The following PRKN variants were observed in gnomAD, a reference collection of about 807,000 sequenced individuals.
PRKN encodes parkin RBR E3 ubiquitin protein ligase, also known as E3 ubiquitin-protein ligase parkin.
PRKN carries 56 observed loss-of-function variants against 59.5 expected under a neutral mutation model. The observed-to-expected ratio is 0.94, with a 90% confidence interval of 0.76 to 1.18. The LOEUF is 1.18. Among genes scored for constraint, PRKN ranks in the 50% most tolerant of loss-of-function variants. The pLI, the probability that PRKN is intolerant of heterozygous loss-of-function variation, is 0.00. For synonymous variants in PRKN, 250 were observed against 222.1 expected, an observed-to-expected ratio of 1.13 and a Z score of -1.12; for missense variants, 657 against 596.4, an observed-to-expected ratio of 1.10 and a Z score of -1.06.
At chr6:162,378,562 C>G (rs946409619) in intron 2 of PRKN, among the ~76,000 whole-genome samples, 2 of 152,220 alleles carry the variant, frequency 1.3e-5, no homozygotes, top group Non-Finnish European at 2.9e-5. Context: ...TTCAAGCTTT[C>G]GTCTGCTATA....
In PRKN at chr6:161,633,945, T is replaced by C. The variant is rs530834504; in HGVS notation, c.872-64529A>G. 4.3e-4 allele frequency among the ~76,000 whole-genome samples: 65 copies of C among 152,106 alleles called. 1 individual carries two copies. In the South Asian group the frequency reaches 0.013, roughly 31 times the overall value. On this transcript the variant is annotated intron_variant, in intron 7 of 11. Transcript: ENST00000366898. ...GGGCTAAAGCTGGGTGCTAAAAATG[T>C]GTCTGTGTGTACGTCACATGAGGAG...
intron 4 of PRKN, among the ~76,000 whole-genome samples, chr6:162,170,396 T>G (rs1018941374): frequency 6.6e-6 from 1 of 152,200 alleles, no homozygotes; most frequent in Non-Finnish European, 1.5e-5. Flanking sequence ...TTTTCCTTTG[T>G]AATAGACATG....
At chr6:161,934,463 T>C (rs565852605) in intron 6 of PRKN, among the ~76,000 whole-genome samples, 7 of 152,316 alleles carry the variant, frequency 4.6e-5, no homozygotes, top group African/African-American at 1.7e-4. Flanking sequence ...TTTGCTTCAT[T>C]GGTTTACTGA....
At chr6:162,126,386 T>C (rs1583069445) in intron 4 of PRKN, among the ~76,000 whole-genome samples, 1 of 152,198 alleles carries the variant, frequency 6.6e-6, no homozygotes, top group East Asian at 1.9e-4. Flanking sequence ...TTACTTATCC[T>C]TTAACCGTGG....
chr6:161,692,645 G>A (rs1379161388), intron 7 of PRKN, among the ~76,000 whole-genome samples: 9 of 152,204 alleles, frequency 5.9e-5, no homozygotes, highest in African/African-American at 1.4e-4. Flanking sequence ...AGTGGCTTAC[G>A]CCTGCAATCC....
intron 3 of PRKN, among the ~76,000 whole-genome samples, chr6:162,223,497 T>TAA (rs56062040): frequency 0.48 from 73,135 of 151,414 alleles, 20,446 homozygotes; most frequent in East Asian, 0.86. Flanking sequence ...TAAACAAAAT[T>TAA]AAATTGGGAT....
intron 6 of PRKN, among the ~76,000 whole-genome samples, chr6:161,917,407 A>AT (rs994081042): frequency 6.6e-6 from 1 of 151,726 alleles, no homozygotes; most frequent in Non-Finnish European, 1.5e-5. Context: ...CACCCGGCCG[A>AT]TTTTTTCATT....
rs116769146 is a variant in PRKN at position 161,941,138 on chromosome 6, T to A, written c.734+32164A>T. Among the ~76,000 whole-genome samples the A allele has an allele frequency of 2.4e-3, 372 of 152,312 alleles. 2 individuals are homozygous for A. Among genetic ancestry groups the A allele is most frequent in the African/African-American group, 8.2e-3 (343 of 41,592 alleles). ...ACTCTTGGGCCTGTGCCCAGGGACCTAGGTGTGGACAATTATTTTCATTTT... is the reference window on the plus strand; with the variant it reads ...ACTCTTGGGCCTGTGCCCAGGGACCAAGGTGTGGACAATTATTTTCATTTT... On this transcript the variant is annotated intron_variant, in intron 6 of 11. Coordinates refer to ENST00000366898, the MANE Select transcript of PRKN (RefSeq NM_004562.3).
rs1554312764 is a variant in PRKN at position 162,390,396 on chromosome 6, T to TACACAC, written c.171+52908_171+52913dup. On this transcript the variant is annotated intron_variant, in intron 2 of 11. Transcript: ENST00000366898. Reference sequence around the variant, plus strand: ...TAAGGTATATATATATATATATATATACACACACACACACACACACACACA... The same window carrying TACACAC: ...TAAGGTATATATATATATATATATATACACACACACACACACACACACACACACACA... Among the ~76,000 whole-genome samples the TACACAC allele has an allele frequency of 2.3e-3, 195 of 84,000 alleles. 3 individuals carry two copies. The highest frequency in any genetic ancestry group is 6.9e-3 in the African/African-American group (153 of 22,070). The allele number at this position is 84,000 out of a possible 152,430, so 55.1% of individuals were successfully genotyped here. A position where few individuals can be genotyped will look rare whatever the true frequency, so the allele number is the denominator to read the frequency against.
At chr6:161,854,591 T>G (rs1400954862) in intron 6 of PRKN, among the ~76,000 whole-genome samples, 3 of 152,088 alleles carry the variant, frequency 2.0e-5, no homozygotes, top group Admixed American at 6.6e-5. Flanking sequence ...TTACATACAG[T>G]TATACATATA....
At chr6:161,570,124 T>TAAAAAAAAAAAAAAAAAAAAAAAA (rs55699586) in intron 7 of PRKN, among the ~76,000 whole-genome samples, 2 of 51,420 alleles carry the variant, frequency 3.9e-5, no homozygotes, top group Admixed American at 2.8e-4. Context: ...AGTAAATAGG[T>TAAAAAAAAAAAAAAAAAAAAAAAA]AAAAAAAAAA....
chr6:162,357,939 G>C (rs1314860062), intron 2 of PRKN, among the ~76,000 whole-genome samples: 2 of 152,152 alleles, frequency 1.3e-5, no homozygotes, highest in Non-Finnish European at 2.9e-5. Context: ...GTGGAGTACA[G>C]GGTATGTTTA....
At chr6:162,324,889 C>G (rs1047266029) in intron 2 of PRKN, among the ~76,000 whole-genome samples, 2 of 151,868 alleles carry the variant, frequency 1.3e-5, no homozygotes, top group African/African-American at 4.8e-5. Context: ...GTGTCCTAAA[C>G]TAGTGAGTAT....
At chr6:161,605,012 T>A (rs542546909) in intron 7 of PRKN, among the ~76,000 whole-genome samples, 1 of 152,320 alleles carries the variant, frequency 6.6e-6, no homozygotes, top group East Asian at 1.9e-4. Context: ...TTAGATTAGC[T>A]TTTTTCTCTT....
chr6:162,196,580 G>A (rs1233264284), intron 4 of PRKN, among the ~76,000 whole-genome samples: 2 of 152,128 alleles, frequency 1.3e-5, no homozygotes, highest in Non-Finnish European at 2.9e-5. Context: ...TTATAGTCTA[G>A]TCCAAACTCT....
intron 1 of PRKN, among the ~76,000 whole-genome samples, chr6:162,469,337 G>GTA (rs1583625402): frequency 7.7e-6 from 1 of 129,766 alleles, no homozygotes; most frequent in East Asian, 2.7e-4. Context: ...TGTTAAGAAA[G>GTA]TGGGGGGGTT....
At chr6:162,689,035 T>A (rs1777669349) in intron 1 of PRKN, among the ~76,000 whole-genome samples, 1 of 152,194 alleles carries the variant, frequency 6.6e-6, no homozygotes, top group South Asian at 2.1e-4. Flanking sequence ...GGGCTAAATA[T>A]TGATGCATTT....
intron 9 of PRKN, among the ~76,000 whole-genome samples, chr6:161,510,966 T>C (rs1778365565): frequency 6.6e-6 from 1 of 152,186 alleles, no homozygotes; most frequent in Non-Finnish European, 1.5e-5. Context: ...CCAGACATGA[T>C]TTTCTTCTTC....
At chr6:162,138,952 G>C (rs1052248330) in intron 4 of PRKN, among the ~76,000 whole-genome samples, 7 of 152,098 alleles carry the variant, frequency 4.6e-5, no homozygotes, top group African/African-American at 7.2e-5. Flanking sequence ...AAATAACAAG[G>C]GGAGATAAAG....
Sources: gnomAD v4.1 joint callset for allele counts (sites outside exome capture counted in the v4.1 genomes callset) on GRCh38, gnomAD v4.1.1 for gene constraint, MANE v1.5 for transcripts, NCBI Gene and HGNC (gene_info 2026-07-23, HGNC 2026-07-21) for gene names.